Variants in NHEJ1 observed in about 807,000 individuals in gnomAD.
The protein encoded by NHEJ1 is non-homologous end-joining factor 1.
NHEJ1 carries 22 observed loss-of-function variants against 39.4 expected under a neutral mutation model. The observed-to-expected ratio is 0.56, with a 90% confidence interval of 0.40 to 0.80. The LOEUF (loss-of-function observed/expected upper bound fraction) is 0.80, where lower values mean the gene tolerates loss of function less well. Ranked by LOEUF, NHEJ1 falls within the 30% of genes least tolerant of loss-of-function variation. NHEJ1 has a pLI of 0.00. For synonymous variants in NHEJ1, 154 were observed against 135.6 expected, an observed-to-expected ratio of 1.14 and a Z score of -0.94; for missense variants, 329 against 357.1, an observed-to-expected ratio of 0.92 and a Z score of 0.63.
intron 5 of NHEJ1, among the ~76,000 whole-genome samples, chr2:219,096,046 T>C (rs1356909257): frequency 1.3e-5 from 2 of 152,194 alleles, no homozygotes; most frequent in Non-Finnish European, 2.9e-5. Context: ...GAATCAAACT[T>C]AGAGAGGGCC....
chr2:219,104,375 A>G (rs13419740), intron 5 of NHEJ1, among the ~76,000 whole-genome samples: 16,227 of 152,284 alleles, frequency 0.11, 894 homozygotes, highest in African/African-American at 0.13. Context: ...TCCAGAACTG[A>G]CAGAATTAGG....
intron 5 of NHEJ1, among the ~76,000 whole-genome samples, chr2:219,082,533 GA>G (rs1949076468): frequency 6.6e-6 from 1 of 152,152 alleles, no homozygotes; most frequent in South Asian, 2.1e-4. Flanking sequence ...GACTGTTTCA[GA>G]AAAGAAACTT....
intron 2 of NHEJ1, among the ~76,000 whole-genome samples, 195 bp downstream of exon 2, chr2:219,157,991 T>TCTCACACA (rs1179798749): frequency 5.0e-5 from 5 of 99,176 alleles, no homozygotes; most frequent in African/African-American, 1.7e-4. Context: ...TCTCTCTCTC[T>TCTCACACA]CACACACACA....
At chr2:219,126,798 T>C (rs925312878) in intron 5 of NHEJ1, among the ~76,000 whole-genome samples, 1 of 152,206 alleles carries the variant, frequency 6.6e-6, no homozygotes, top group East Asian at 1.9e-4. Context: ...AAGTAACATA[T>C]TCACTGAAAT....
At chr2:219,126,902 G>C (rs1355203634) in intron 5 of NHEJ1, among the ~76,000 whole-genome samples, 3 of 152,206 alleles carry the variant, frequency 2.0e-5, no homozygotes, top group Admixed American at 6.5e-5. Context: ...ACAGAATGAC[G>C]GGCTCTAGCA....
At chr2:219,137,601 A>AAAAAAAAAT (rs1949646876) in intron 5 of NHEJ1, among the ~76,000 whole-genome samples, 1 of 146,662 alleles carries the variant, frequency 6.8e-6, no homozygotes, top group African/African-American at 2.5e-5. Flanking sequence ...AACAAAAAAA[A>AAAAAAAAAT]CTGAAAACCA....
intron 5 of NHEJ1, chr2:219,095,245 C>T (rs1254660981): frequency 4.3e-6 from 2 of 468,324 alleles, no homozygotes; most frequent in African/African-American, 4.0e-5. Flanking sequence ...GACAGTATGT[C>T]AGGGAAGACA....
At chr2:219,118,651 GAGA>G (rs1371770378) in intron 5 of NHEJ1, among the ~76,000 whole-genome samples, 3 of 152,182 alleles carry the variant, frequency 2.0e-5, no homozygotes, top group Admixed American at 6.5e-5. Flanking sequence ...ACCCTGTGCA[GAGA>G]AGGACAGGGA....
chr2:219,092,844 G>A (rs1005139556), intron 5 of NHEJ1, among the ~76,000 whole-genome samples: 7 of 152,178 alleles, frequency 4.6e-5, no homozygotes, highest in Non-Finnish European at 8.8e-5. Context: ...GCAGAGATAA[G>A]AGATCTTGAG....
chr2:219,144,952 C>T (rs1464716859), intron 5 of NHEJ1, among the ~76,000 whole-genome samples: 2 of 152,154 alleles, frequency 1.3e-5, no homozygotes, highest in African/African-American at 2.4e-5. Flanking sequence ...TGGTGGCTCA[C>T]ATCTATAATC....
intron 5 of NHEJ1, among the ~76,000 whole-genome samples, chr2:219,146,401 C>G (rs904730132): frequency 2.6e-5 from 4 of 152,194 alleles, no homozygotes; most frequent in African/African-American, 9.7e-5. Context: ...CCAACCTTTC[C>G]AAGGTTAGAG....
At chr2:219,137,155 G>GA (rs1369224107) in intron 5 of NHEJ1, among the ~76,000 whole-genome samples, 2 of 151,066 alleles carry the variant, frequency 1.3e-5, no homozygotes, top group Non-Finnish European at 2.9e-5. Context: ...GTGAAATTCA[G>GA]AAAAAACAAA....
chr2:219,130,044 CT>C (rs11337813), intron 5 of NHEJ1, among the ~76,000 whole-genome samples: 64,699 of 134,594 alleles, frequency 0.48, 16,214 homozygotes, highest in Non-Finnish European at 0.61. Context: ...TATGTCCCTT[CT>C]TTTTTTTTTT....
At position 219,111,615 on chromosome 2, in the gene NHEJ1, C is replaced by T. The variant is rs1245221873; in HGVS notation, c.589-33409G>A. Among the ~76,000 whole-genome samples, 1 of 123,060 alleles carries T rather than the reference C, an allele frequency of 8.1e-6. No homozygotes were observed. Among genetic ancestry groups the T allele is most frequent in the Non-Finnish European group, 1.7e-5 (1 of 59,114 alleles). 80.7% of individuals were successfully genotyped at this position (123,060 alleles called of 152,430 possible). On this transcript the variant is annotated intron_variant, in intron 5 of 7. Coordinates refer to ENST00000356853, the MANE Select transcript of NHEJ1 (RefSeq NM_024782.3). This position sits in a 1 kb window ranked among gnomAD's most constrained non-coding sequence, Gnocchi z 4.1. Reference sequence around the variant, plus strand: ...GTTCTGAAGACCAGAATTAAGTCTACAGTGTGAATACAGACACACACACAC... The same window carrying T: ...GTTCTGAAGACCAGAATTAAGTCTATAGTGTGAATACAGACACACACACAC...
chr2:219,157,962 C>T (rs1949871058), intron 2 of NHEJ1, among the ~76,000 whole-genome samples: 1 of 146,738 alleles, frequency 6.8e-6, no homozygotes, highest in African/African-American at 2.5e-5. Flanking sequence ...GGTAGGGAAA[C>T]TAACTTTCTT....
At chr2:219,154,609 A>C (rs1027083168) in intron 3 of NHEJ1, among the ~76,000 whole-genome samples, 38 of 152,248 alleles carry the variant, frequency 2.5e-4, no homozygotes, top group African/African-American at 8.9e-4. Context: ...CACTGGCTCT[A>C]ACTTTTTCCA....
At position 219,077,240 on chromosome 2, in the gene NHEJ1, A is replaced by G; in HGVS notation, c.825+6T>C. The G allele has an allele frequency of 6.2e-7, 1 of 1,607,344 alleles. No homozygotes were observed. The highest frequency in any genetic ancestry group is 8.5e-7 in the Non-Finnish European group (1 of 1,174,078). On this transcript the variant is annotated splice_donor_region_variant and intron_variant, in intron 7 of 7. Coordinates refer to ENST00000356853, the MANE Select transcript of NHEJ1 (RefSeq NM_024782.3). Reference sequence around the variant, plus strand: ...AACACCATCCAGGAAGCTGCTCATGACTCACCGTGGACTCTTTCTCAGGTG... The same window carrying G: ...AACACCATCCAGGAAGCTGCTCATGGCTCACCGTGGACTCTTTCTCAGGTG...
At chr2:219,112,307 A>G (rs1949373034) in intron 5 of NHEJ1, among the ~76,000 whole-genome samples, 1 of 152,178 alleles carries the variant, frequency 6.6e-6, no homozygotes, top group African/African-American at 2.4e-5. Context: ...GGGAAGCTCA[A>G]GGAACCCCAG....
chr2:219,115,354 G>A (rs1359958167), intron 5 of NHEJ1, among the ~76,000 whole-genome samples: 1 of 152,184 alleles, frequency 6.6e-6, no homozygotes, highest in East Asian at 1.9e-4. Flanking sequence ...AAGAAATGCA[G>A]TCAATGACTT....
Sources: gnomAD v4.1 joint callset for allele counts (sites outside exome capture counted in the v4.1 genomes callset) on GRCh38, gnomAD v4.1.1 for gene constraint, Gnocchi (gnomAD v3.1) non-coding constraint, MANE v1.5 for transcripts, NCBI Gene and HGNC (gene_info 2026-07-23, HGNC 2026-07-21) for gene names.